The following SUN3 variants were observed in gnomAD, a reference collection of about 807,000 sequenced individuals.
SUN3 encodes the protein SUN domain-containing protein 3.
Under a neutral mutation model 48.2 loss-of-function variants are expected in SUN3, and 36 were observed. The observed-to-expected ratio is 0.75, with a 90% CI of 0.57 to 0.99. SUN3 has a LOEUF of 0.99. Among genes scored for constraint, SUN3 ranks in the 50% least tolerant of loss-of-function variants. The pLI, the probability that SUN3 is intolerant of heterozygous loss-of-function variation, is 0.00. For synonymous variants in SUN3, 148 were observed against 147.9 expected, an observed-to-expected ratio of 1.00 and a Z score of 0.00; for missense variants, 419 against 433.1, an observed-to-expected ratio of 0.97 and a Z score of 0.29.
At chr7:47,992,154 C>G (rs146301865) in intron 8 of SUN3, among the ~76,000 whole-genome samples, 4 of 152,162 alleles carry the variant, frequency 2.6e-5, no homozygotes, top group African/African-American at 7.2e-5. Context: ...TGCAAACTCA[C>G]GACGGATGAG....
chr7:48,008,972 C>A, intron 4 of SUN3, 63 bp downstream of exon 4: 2 of 1,511,480 alleles, frequency 1.3e-6, no homozygotes, highest in Non-Finnish European at 1.8e-6. Flanking sequence ...CTTTTCTGTA[C>A]GAAAACATTT....
At chr7:47,997,330 C>A (rs1164697824) in intron 6 of SUN3, among the ~76,000 whole-genome samples, 1 of 152,156 alleles carries the variant, frequency 6.6e-6, no homozygotes, top group Non-Finnish European at 1.5e-5. Flanking sequence ...GGGCTCCCTT[C>A]ATTTTATCTG....
the SUN3 span, chr7:48,035,650 A>G: frequency 8.5e-5 from 56 of 661,530 alleles, 1 homozygote; most frequent in African/African-American, 8.2e-4. This position sits in a 1 kb window ranked among gnomAD's most constrained non-coding sequence, Gnocchi z 4.0. Flanking sequence ...AGCGGGCTGG[A>G]GGACAATGGG....
the SUN3 span, among the ~76,000 whole-genome samples, chr7:48,034,149 G>C: frequency 2.0e-5 from 3 of 152,324 alleles, no homozygotes; most frequent in South Asian, 4.2e-4. Flanking sequence ...GTCATGCTTG[G>C]CAATAACCTA....
intron 5 of SUN3, 61 bp from the exon 6 acceptor site, chr7:48,006,114 CCATT>C (rs967021936): frequency 1.3e-4 from 155 of 1,234,000 alleles, no homozygotes; most frequent in Non-Finnish European, 6.6e-5. Context: ...TGAGTTTTGA[CCATT>C]CATTTTATTG....
At position 47,988,929 on chromosome 7, in the gene SUN3, G is replaced by C. The variant is rs1055499857; in HGVS notation, c.862-49C>G. 3.6e-6 allele frequency: 4 copies of C among 1,122,598 alleles called. No individual in the cohort carries two copies. In the African/African-American group the frequency reaches 6.2e-5, roughly 17 times the overall value. 69.5% of individuals were successfully genotyped at this position (1,122,598 alleles called of 1,614,324 possible). On this transcript the variant is annotated intron_variant, in intron 8 of 9. Coordinates refer to ENST00000297325, the MANE Select transcript of SUN3 (RefSeq NM_001030019.2). ...GAGATTGTAATGAATGGATGCAGTT[G>C]TGTTTTCAAAAAGAACCAACAATTC...
At chr7:48,000,598 G>A (rs1286853542) in intron 6 of SUN3, among the ~76,000 whole-genome samples, 1 of 152,132 alleles carries the variant, frequency 6.6e-6, no homozygotes, top group Non-Finnish European at 1.5e-5. Context: ...TCTTCATTTT[G>A]CCTTCATTCC....
intron 3 of SUN3, among the ~76,000 whole-genome samples, chr7:48,011,301 G>C (rs530355208): frequency 5.3e-4 from 81 of 152,240 alleles, no homozygotes; most frequent in African/African-American, 1.8e-3. Context: ...CTTTTTATCA[G>C]TTAGCTCTGC....
intron 8 of SUN3, among the ~76,000 whole-genome samples, chr7:47,989,303 C>A (rs1187796240): frequency 6.6e-6 from 1 of 152,200 alleles, no homozygotes; most frequent in Non-Finnish European, 1.5e-5. Flanking sequence ...CCATACTGAA[C>A]TGATGTTTAC....
At chr7:47,995,898 T>G in intron 7 of SUN3, 133 bp downstream of exon 7, 117 of 520,050 alleles carry the variant, frequency 2.2e-4, no homozygotes, top group Non-Finnish European at 2.7e-4. Flanking sequence ...AAAAATATAA[T>G]GAGATGATTT....
Position 47,990,081 on chromosome 7 carries a change from C to CGTCG in SUN3, c.862-1202_862-1201insCGAC, listed in dbSNP as rs540977831. The stretch of plus-strand genomic sequence containing the variant: ...GGGAAAGACCTGACCATCCCCCAGC[C>CGTCG]CGACACCCGTAAAGGGTCTGTGCTG... On this transcript the variant is annotated intron_variant, in intron 8 of 9. Transcript: ENST00000297325. Among the ~76,000 whole-genome samples, 354 of 152,210 alleles carry CGTCG rather than the reference C, an allele frequency of 2.3e-3. 2 individuals are homozygous for CGTCG. Among genetic ancestry groups the CGTCG allele is most frequent in the Non-Finnish European group, 1.9e-3 (126 of 68,014 alleles).
chr7:48,019,970 G>C (rs967927885), intron 2 of SUN3, among the ~76,000 whole-genome samples: 6 of 35,156 alleles, frequency 1.7e-4, no homozygotes, highest in South Asian at 8.5e-4. Flanking sequence ...ACCAGACAAA[G>C]ACACATCAAA....
intron 6 of SUN3, 119 bp downstream of exon 6, chr7:48,005,850 T>TGGG: frequency 8.9e-6 from 4 of 448,868 alleles, no homozygotes; most frequent in Non-Finnish European, 1.6e-5. Flanking sequence ...TTGATTAATT[T>TGGG]CCCCCCCCCA....
intron 2 of SUN3, among the ~76,000 whole-genome samples, chr7:48,022,065 C>T (rs1271022165): frequency 3.9e-5 from 6 of 152,022 alleles, no homozygotes; most frequent in Non-Finnish European, 7.4e-5. Flanking sequence ...TACATATTCA[C>T]AATGGTGTAC....
chr7:47,989,487 G>A (rs1788992537), intron 8 of SUN3, among the ~76,000 whole-genome samples: 1 of 152,146 alleles, frequency 6.6e-6, no homozygotes, highest in African/African-American at 2.4e-5. Context: ...AGAGGATAAC[G>A]CACTGGTGCA....
chr7:47,994,599 C>T (rs1789153312), intron 7 of SUN3, 117 bp from the exon 8 acceptor site: 3 of 1,049,434 alleles, frequency 2.9e-6, no homozygotes, highest in African/African-American at 3.3e-5. Context: ...AATAGGAAAA[C>T]TCCCAAGGCA....
intron 4 of SUN3, among the ~76,000 whole-genome samples, chr7:48,007,981 G>A (rs763093730): frequency 4.6e-5 from 7 of 151,986 alleles, no homozygotes; most frequent in Non-Finnish European, 7.4e-5. Flanking sequence ...ATGCCACCGC[G>A]CTCGGCTAAT....
chr7:47,991,837 C>G (rs1387569366), intron 8 of SUN3, among the ~76,000 whole-genome samples: 2 of 152,096 alleles, frequency 1.3e-5, no homozygotes, highest in Non-Finnish European at 2.9e-5. Context: ...AAATCTGCGG[C>G]TTAGCTAACA....
rs200025227 is a variant in SUN3, at chr7:48,009,131, CT to C, written c.289-57del. On this transcript the variant is annotated intron_variant, in intron 3 of 9. Coordinates refer to ENST00000297325, the MANE Select transcript of SUN3 (RefSeq NM_001030019.2). ...TGAATTCTGCTTATTCAAATAGAGT[CT>C]TTTTTTTTTCTCAGAAAAGGGAAAT... 2.0e-3 allele frequency: 2,741 copies of C among 1,386,036 alleles called. 6 individuals carry two copies. Among genetic ancestry groups the C allele is most frequent in the African/African-American group, 7.8e-3 (528 of 67,692 alleles). 85.9% of individuals were successfully genotyped at this position (1,386,036 alleles called of 1,614,324 possible).
Sources: gnomAD v4.1 joint callset for allele counts (sites outside exome capture counted in the v4.1 genomes callset) on GRCh38, gnomAD v4.1.1 for gene constraint, Gnocchi (gnomAD v3.1) non-coding constraint, MANE v1.5 for transcripts, NCBI Gene and HGNC (gene_info 2026-07-23, HGNC 2026-07-21) for gene names.